SPRY3: variants seen among roughly 807,000 people sequenced by gnomAD.
SPRY3 encodes sprouty RTK signaling antagonist 3, also known as protein sprouty homolog 3.
SPRY3 carries 15 observed loss-of-function variants against 20.2 expected under a neutral mutation model. That is an observed-to-expected ratio of 0.74 (90% CI 0.50 to 1.14). The LOEUF is 1.14. Among genes scored for constraint, SPRY3 ranks in the 50% most tolerant of loss-of-function variants. The probability of loss-of-function intolerance (pLI) is 0.00; values close to 1 mark genes in which losing one functional copy is unlikely to be tolerated. For synonymous variants in SPRY3, 143 were observed against 136.5 expected (o/e 1.05, Z -0.33); for missense variants, 364 against 363.9 (o/e 1.00, Z 0.00).
chrX:155,726,390 C>T (rs2091097361), intron 2 of SPRY3, among the ~76,000 whole-genome samples: 1 of 152,014 alleles, frequency 6.6e-6, no homozygotes, highest in Non-Finnish European at 1.5e-5. Flanking sequence ...CCTTCTTTCT[C>T]GTTTATCTGT....
intron 2 of SPRY3, among the ~76,000 whole-genome samples, chrX:155,754,744 T>C (rs1182306489): frequency 6.6e-6 from 1 of 152,066 alleles, no homozygotes; most frequent in Non-Finnish European, 1.5e-5. Flanking sequence ...TTTCCATTTA[T>C]ATAGGTCTGC....
At chrX:155,780,918 T>C (rs1311873484), downstream of SPRY3, 2 of 166,970 alleles carry the variant, frequency 1.2e-5, no homozygotes, top group African/African-American at 2.4e-5. Context: ...ATAATCAGTG[T>C]GTTTCTCTCA....
At chrX:155,756,065 A>G (rs2091282426) in intron 2 of SPRY3, among the ~76,000 whole-genome samples, 1 of 152,042 alleles carries the variant, frequency 6.6e-6, no homozygotes, top group Admixed American at 6.6e-5. Flanking sequence ...AAAGGAAGAG[A>G]TTGGCTATAT....
At chrX:155,779,522 C>T (rs1335831562), downstream of SPRY3, 1 of 166,928 alleles carries the variant, frequency 6.0e-6, no homozygotes, top group East Asian at 1.9e-4. Flanking sequence ...GAGTAACAAA[C>T]TCTCAAAATA....
In SPRY3 at chrX:155,616,130, C is replaced by CTCTCT. The variant is rs11396863; in HGVS notation, c.-441+3483_-441+3484insTCTCT. Among the ~76,000 whole-genome samples, 146 of 57,170 alleles carry CTCTCT rather than the reference C, an allele frequency of 2.6e-3. 1 individual carries two copies. The highest frequency in any genetic ancestry group is 4.8e-3 in the African/African-American group (86 of 17,784). The allele number at this position is 57,170 out of a possible 115,157, so 49.6% of individuals were successfully genotyped here. ...TCTCTCTCTCTCTCTCTCTCTCTCTCCTCTCTCTCTCTCTCTCTCTTCTCT... is the reference window on the plus strand; with the variant it reads ...TCTCTCTCTCTCTCTCTCTCTCTCTCTCTCTCTCTCTCTCTCTCTCTCTCTTCTCT... On this transcript the variant is annotated intron_variant, in intron 1 of 3. Coordinates refer to ENST00000675360, the Ensembl canonical transcript of SPRY3.
intron 2 of SPRY3, among the ~76,000 whole-genome samples, chrX:155,672,520 A>G: frequency 9.0e-6 from 1 of 111,564 alleles, no homozygotes; most frequent in Non-Finnish European, 1.9e-5. Flanking sequence ...ATGAGATACC[A>G]TCTCACGCCA....
intron 2 of SPRY3, among the ~76,000 whole-genome samples, chrX:155,710,530 A>T (rs2090979436): frequency 6.6e-6 from 1 of 151,522 alleles, no homozygotes; most frequent in Non-Finnish European, 1.5e-5. Flanking sequence ...AATGTTACTG[A>T]ATGTGTTTTA....
chrX:155,650,367 T>C (rs1400261723), intron 1 of SPRY3, among the ~76,000 whole-genome samples: 1 of 111,942 alleles, frequency 8.9e-6, no homozygotes, highest in Non-Finnish European at 1.9e-5. Context: ...TGTTGTTAAG[T>C]ACTCATGGTT....
downstream of SPRY3, chrX:155,777,857 T>G (rs2124035218): frequency 6.0e-6 from 1 of 166,610 alleles, no homozygotes; most frequent in South Asian, 2.1e-4. Flanking sequence ...CTTCCACATA[T>G]TGGTTCCTTG....
chrX:155,709,344 C>G (rs1228124687), intron 2 of SPRY3, among the ~76,000 whole-genome samples: 1 of 151,606 alleles, frequency 6.6e-6, no homozygotes, highest in African/African-American at 2.4e-5. Flanking sequence ...TATTGTCTGT[C>G]TTTTGGATAT....
chrX:155,765,766 A>T (rs2091324186), intron 2 of SPRY3, among the ~76,000 whole-genome samples: 1 of 152,208 alleles, frequency 6.6e-6, no homozygotes, highest in South Asian at 2.1e-4. Flanking sequence ...TAGACTTTAA[A>T]ACATAAAAGG....
intron 2 of SPRY3, among the ~76,000 whole-genome samples, chrX:155,704,915 A>C (rs1383653275): frequency 6.6e-6 from 1 of 151,608 alleles, no homozygotes; most frequent in Non-Finnish European, 1.5e-5. Context: ...ATCCAGAAAA[A>C]AATCTTTTTA....
chrX:155,779,805 C>T (rs186775644), downstream of SPRY3: 154 of 167,040 alleles, frequency 9.2e-4, 1 homozygote, highest in African/African-American at 3.6e-3. Context: ...ATTATGCTAC[C>T]TTTTATTCAC....
At chrX:155,645,959 G>C (rs1557351828) in intron 1 of SPRY3, among the ~76,000 whole-genome samples, 1 of 109,283 alleles carries the variant, frequency 9.2e-6, no homozygotes, top group Non-Finnish European at 1.9e-5. Context: ...ATTTTTAATT[G>C]ACCTTTGTGT....
intron 1 of SPRY3, among the ~76,000 whole-genome samples, chrX:155,652,418 TCTG>T (rs2124545931): frequency 9.0e-6 from 1 of 111,052 alleles, no homozygotes; most frequent in East Asian, 2.8e-4. Context: ...TTTCCCAGTC[TCTG>T]GTAGCCATCC....
At chrX:155,764,894 C>T (rs775208670) in intron 2 of SPRY3, among the ~76,000 whole-genome samples, 21 of 152,300 alleles carry the variant, frequency 1.4e-4, no homozygotes, top group African/African-American at 4.8e-4. Context: ...TTATAAACAA[C>T]AGAAATGTAT....
chrX:155,735,144 G>A (rs1369560410), intron 2 of SPRY3, among the ~76,000 whole-genome samples: 2 of 151,926 alleles, frequency 1.3e-5, no homozygotes, highest in Non-Finnish European at 1.5e-5. Context: ...ATCTCCAAAT[G>A]TTTTGGAGGT....
chrX:155,754,267 A>T (rs990652542), intron 2 of SPRY3, among the ~76,000 whole-genome samples: 1 of 151,978 alleles, frequency 6.6e-6, no homozygotes, highest in Non-Finnish European at 1.5e-5. Context: ...TTTGTACAGC[A>T]TATGATTTGA....
intron 2 of SPRY3, among the ~76,000 whole-genome samples, chrX:155,765,846 C>G (rs1021872140): frequency 1.7e-4 from 26 of 152,332 alleles, no homozygotes; most frequent in African/African-American, 6.0e-4. Context: ...TCTTAACATT[C>G]ATAGCTACTA....
Sources: gnomAD v4.1 joint callset for allele counts (sites outside exome capture counted in the v4.1 genomes callset) on GRCh38, gnomAD v4.1.1 for gene constraint, MANE v1.5 for transcripts, NCBI Gene and HGNC (gene_info 2026-07-23, HGNC 2026-07-21) for gene names.